Variants in GABBR2 observed in about 807,000 individuals in gnomAD.
The protein encoded by GABBR2 is G-protein coupled receptor 51.
A neutral mutation model predicts 105.6 loss-of-function variants in GABBR2; 23 were observed. The observed-to-expected ratio is 0.22, with a 90% CI of 0.16 to 0.31. GABBR2 has a LOEUF of 0.31. Among genes scored for constraint, GABBR2 ranks in the 10% least tolerant of loss-of-function variants. The pLI is 1.00. For missense variants in GABBR2, 734 were observed against 1,245.5 expected (o/e 0.59, Z 6.18); for synonymous variants, 478 against 499.7 (o/e 0.96, Z 0.58).
intron 1 of GABBR2, among the ~76,000 whole-genome samples, chr9:98,585,396 A>C (rs1030896860): frequency 6.6e-6 from 1 of 150,576 alleles, no homozygotes; most frequent in Non-Finnish European, 1.5e-5. Flanking sequence ...CAAGGACAAA[A>C]AACCAAACAC....
chr9:98,653,147 C>A (rs2131847256), intron 1 of GABBR2, among the ~76,000 whole-genome samples: 1 of 152,334 alleles, frequency 6.6e-6, no homozygotes, highest in South Asian at 2.1e-4. Flanking sequence ...CAGGCATATG[C>A]CCAAGCCCAG....
intron 1 of GABBR2, among the ~76,000 whole-genome samples, chr9:98,633,549 C>T (rs547287854): frequency 1.8e-4 from 27 of 146,680 alleles, no homozygotes; most frequent in African/African-American, 6.3e-4. Context: ...CGCTTGAACC[C>T]GGAGGTGGAG....
intron 1 of GABBR2, among the ~76,000 whole-genome samples, chr9:98,693,974 A>G (rs1346129023): frequency 6.6e-6 from 1 of 152,226 alleles, no homozygotes; most frequent in African/African-American, 2.4e-5. Flanking sequence ...GTAGCCAGCT[A>G]GCAACTGTTG....
At position 98,388,619 on chromosome 9, in the gene GABBR2, C is replaced by CTGTGTG. The variant is rs113747643; in HGVS notation, c.1529+229_1529+234dup. Among the ~76,000 whole-genome samples the CTGTGTG allele has an allele frequency of 2.7e-3, 394 of 144,560 alleles. 1 individual carries two copies. Among genetic ancestry groups the CTGTGTG allele is most frequent in the African/African-American group, 4.7e-3 (185 of 39,228 alleles). 94.8% of individuals were successfully genotyped at this position (144,560 alleles called of 152,430 possible). On this transcript the variant is annotated intron_variant, in intron 10 of 18. Coordinates refer to ENST00000259455, the MANE Select transcript of GABBR2 (RefSeq NM_005458.8). This position sits in a 1 kb window ranked among gnomAD's most constrained non-coding sequence, Gnocchi z 4.4. ...TCCTGTGCAACCAGCAGCCTGGCCT[C>CTGTGTG]TGTGTGTGTGTGTGTGTGTGTGTGT...
chr9:98,473,865 G>A (rs1347237952), intron 5 of GABBR2, among the ~76,000 whole-genome samples: 3 of 152,268 alleles, frequency 2.0e-5, no homozygotes, highest in Middle Eastern at 3.4e-3. Context: ...ACAACAAAGA[G>A]ATTTCATAAA....
chr9:98,540,287 CCT>C (rs1439673981), intron 3 of GABBR2, among the ~76,000 whole-genome samples: 1 of 152,198 alleles, frequency 6.6e-6, no homozygotes, highest in Non-Finnish European at 1.5e-5. Context: ...CAAAAACAAC[CCT>C]CTCTGTGTAT....
intron 1 of GABBR2, among the ~76,000 whole-genome samples, chr9:98,667,025 A>G (rs1299677262): frequency 6.6e-6 from 1 of 152,174 alleles, no homozygotes; most frequent in Non-Finnish European, 1.5e-5. Flanking sequence ...GTAAATAGAC[A>G]GTGCAGCAGT....
intron 1 of GABBR2, among the ~76,000 whole-genome samples, chr9:98,693,132 C>T (rs144239165): frequency 1.3e-3 from 191 of 152,296 alleles, no homozygotes; most frequent in African/African-American, 3.2e-3. Context: ...TAGCTGCCAC[C>T]CTCAGCTCCC....
intron 1 of GABBR2, among the ~76,000 whole-genome samples, chr9:98,677,260 G>A (rs1406515166): frequency 6.6e-6 from 1 of 152,240 alleles, no homozygotes; most frequent in Non-Finnish European, 1.5e-5. Context: ...CTTGACCAAA[G>A]GGAGGTGTCT....
chr9:98,656,960 G>C (rs1375200476), intron 1 of GABBR2, among the ~76,000 whole-genome samples: 1 of 152,212 alleles, frequency 6.6e-6, no homozygotes, highest in Non-Finnish European at 1.5e-5. Flanking sequence ...CAAACGGGTG[G>C]CTCTTAGGCC....
At chr9:98,373,851 C>CTTTTT (rs577915397) in intron 11 of GABBR2, among the ~76,000 whole-genome samples, 107 of 86,670 alleles carry the variant, frequency 1.2e-3, no homozygotes, top group African/African-American at 1.4e-3. Context: ...CAAAGCATTC[C>CTTTTT]TTTTTTTTTT....
At position 98,676,133 on chromosome 9, in the gene GABBR2, C is replaced by T. The variant is rs117448570; in HGVS notation, c.321+32284G>A. Among the ~76,000 whole-genome samples the T allele has an allele frequency of 4.4e-3, 670 of 152,254 alleles. 17 individuals carry two copies. In the East Asian group the frequency reaches 0.053, roughly 12 times the overall value. ...TGATGTAATCACAAGGGTTCTTATACGTGGGAGGCTAGAAATCAGAGTGAA... is the reference window on the plus strand; with the variant it reads ...TGATGTAATCACAAGGGTTCTTATATGTGGGAGGCTAGAAATCAGAGTGAA... On this transcript the variant is annotated intron_variant, in intron 1 of 18. Coordinates refer to ENST00000259455, the MANE Select transcript of GABBR2 (RefSeq NM_005458.8).
At chr9:98,498,557 T>C (rs1281445647) in intron 3 of GABBR2, among the ~76,000 whole-genome samples, 1 of 152,238 alleles carries the variant, frequency 6.6e-6, no homozygotes. Flanking sequence ...ATCTTTTATT[T>C]CTTTGACAGA....
At chr9:98,333,076 A>G (rs891298705) in intron 13 of GABBR2, among the ~76,000 whole-genome samples, 1 of 152,124 alleles carries the variant, frequency 6.6e-6, no homozygotes, top group African/African-American at 2.4e-5. Context: ...ACACAAGAAG[A>G]TGGCAATGTG....
intron 13 of GABBR2, among the ~76,000 whole-genome samples, chr9:98,350,703 G>A (rs768082071): frequency 1.3e-5 from 2 of 152,202 alleles, no homozygotes; most frequent in African/African-American, 4.8e-5. Flanking sequence ...TGAGAAAAAC[G>A]TGTATTCTGT....
intron 1 of GABBR2, among the ~76,000 whole-genome samples, chr9:98,587,091 T>C (rs1829088683): frequency 6.6e-6 from 1 of 152,232 alleles, no homozygotes; most frequent in Non-Finnish European, 1.5e-5. Flanking sequence ...GCTTTAATTT[T>C]TGCCAGTCTT....
chr9:98,540,081 G>A lies in GABBR2; in HGVS notation c.630+1792C>T, dbSNP rs192419633. 4.1e-4 allele frequency among the ~76,000 whole-genome samples: 63 copies of A among 152,174 alleles called. 1 individual carries two copies. Among genetic ancestry groups the A allele is most frequent in the African/African-American group, 1.4e-3 (59 of 41,508 alleles). Reference sequence around the variant, plus strand: ...ACATTTCTCGCTTCTCTATGAAGGCGGCCTTTCAGCAAAAGCCTCTTCAGC... The same window carrying A: ...ACATTTCTCGCTTCTCTATGAAGGCAGCCTTTCAGCAAAAGCCTCTTCAGC... On this transcript the variant is annotated intron_variant, in intron 3 of 18. Coordinates refer to ENST00000259455, the MANE Select transcript of GABBR2 (RefSeq NM_005458.8).
At chr9:98,632,624 C>G (rs1158284774) in intron 1 of GABBR2, among the ~76,000 whole-genome samples, 5 of 152,164 alleles carry the variant, frequency 3.3e-5, no homozygotes, top group Non-Finnish European at 7.3e-5. Flanking sequence ...GCTGGAGAAG[C>G]CAAAACCATG....
At chr9:98,348,149 T>C (rs1831331835) in intron 13 of GABBR2, among the ~76,000 whole-genome samples, 1 of 152,216 alleles carries the variant, frequency 6.6e-6, no homozygotes, top group South Asian at 2.1e-4. Context: ...CATTCTTCTG[T>C]ATATGAATAT....
Sources: allele counts gnomAD v4.1 joint callset (sites outside exome capture counted in the v4.1 genomes callset), GRCh38; gene constraint gnomAD v4.1.1; non-coding constraint Gnocchi (gnomAD v3.1); transcripts MANE v1.5; gene names NCBI Gene and HGNC (gene_info 2026-07-23, HGNC 2026-07-21).